TTC7A: variants seen among roughly 807,000 people sequenced by gnomAD.
TTC7A encodes the protein tetratricopeptide repeat protein 7A.
In TTC7A, 110 loss-of-function variants were observed where a neutral mutation model predicts 103.7. The ratio of observed to expected loss-of-function variants is 1.06; its 90% confidence interval spans 0.91 to 1.24. The LOEUF is 1.24. Ranked by LOEUF, TTC7A falls within the 50% of genes most tolerant of loss-of-function variation. The pLI, the probability that TTC7A is intolerant of heterozygous loss-of-function variation, is 0.00. For missense variants in TTC7A, 1,340 were observed against 1,116.3 expected (o/e 1.20, Z -2.86); for synonymous variants, 521 against 467.9 (o/e 1.11, Z -1.47).
In TTC7A at chr2:46,941,395, GCCGCCCGGGCCCCCGC is replaced by G. The variant is rs1670356521; in HGVS notation, c.-146_-131del. On this transcript the variant is annotated 5_prime_UTR_variant, in exon 1 of 20. Coordinates refer to ENST00000319190, the MANE Select transcript of TTC7A (RefSeq NM_020458.4). The surrounding 1 kb of genome is among the most constrained non-coding windows in gnomAD (Gnocchi z 4.2). ...CTGCTGCTGCTGCTGCCCACCCTCC[GCCGCCCGGGCCCCCGC>G]TGCCGCCCGGGCCCCGGCTGCCGTC... 2 of 625,846 alleles carry G rather than the reference GCCGCCCGGGCCCCCGC, an allele frequency of 3.2e-6. No homozygotes were observed. Among genetic ancestry groups the G allele is most frequent in the Non-Finnish European group, 4.3e-6 (2 of 470,572 alleles). The allele number at this position is 625,846 out of a possible 1,614,324, so 38.8% of individuals were successfully genotyped here. A position where few individuals can be genotyped will look rare whatever the true frequency, so the allele number is the denominator to read the frequency against.
intron 4 of TTC7A, among the ~76,000 whole-genome samples, chr2:46,975,821 C>T (rs1233439806): frequency 6.6e-6 from 1 of 152,116 alleles, no homozygotes; most frequent in Non-Finnish European, 1.5e-5. Context: ...ACTGTAACCT[C>T]CACCTCCTGG....
chr2:47,032,524 G>C (rs1680664333), intron 15 of TTC7A, among the ~76,000 whole-genome samples: 1 of 152,172 alleles, frequency 6.6e-6, no homozygotes, highest in African/African-American at 2.4e-5. Flanking sequence ...TCTGAGGTCA[G>C]AGCAGACTTT....
rs528848672 is a variant in TTC7A, at chr2:47,016,349, C to A, written c.1392+4914C>A. ...CAGGAGACTGGGGTTGGAAACAGTT[C>A]TGCTACTTCCTAGACAGGTGACCTT... is the stretch of plus-strand genomic sequence containing the variant. On this transcript the variant is annotated intron_variant, in intron 11 of 19. Transcript: ENST00000319190. Among the ~76,000 whole-genome samples the A allele has an allele frequency of 8.5e-5, 13 of 152,342 alleles. No homozygotes were observed. The South Asian group carries it at 2.7e-3, about 32-fold the overall frequency.
chr2:47,061,623 G>C (rs1303845743), intron 19 of TTC7A, among the ~76,000 whole-genome samples: 2 of 152,170 alleles, frequency 1.3e-5, no homozygotes, highest in Non-Finnish European at 2.9e-5. Context: ...TGATACTCTT[G>C]TCCTGGCCTT....
chr2:46,951,531 T>C, intron 2 of TTC7A: 1 of 451,182 alleles, frequency 2.2e-6, no homozygotes, highest in South Asian at 1.6e-5. Context: ...CTCCCTCCCT[T>C]CCTTCCTTGC....
chr2:47,011,696 T>C (rs1360694524), intron 11 of TTC7A, among the ~76,000 whole-genome samples: 3 of 152,164 alleles, frequency 2.0e-5, no homozygotes, highest in Non-Finnish European at 4.4e-5. Flanking sequence ...CATAAGGAAG[T>C]AGAGGTGTTC....
chr2:47,006,634 T>A lies in TTC7A; in HGVS notation c.1204-7T>A, dbSNP rs377415832. On this transcript the variant is annotated splice_region_variant and splice_polypyrimidine_tract_variant and intron_variant, in intron 9 of 19. Transcript: ENST00000319190. ...GTGGGTAAATGCTGACTATCTCCCCTCCCCAGTGCCTGGAGCGAGCCATGA... is the reference window on the plus strand; with the variant it reads ...GTGGGTAAATGCTGACTATCTCCCCACCCCAGTGCCTGGAGCGAGCCATGA... 6.2e-7 allele frequency: 1 copy of A among 1,613,086 alleles called. No individual in the cohort carries two copies. The highest frequency in any genetic ancestry group is 8.5e-7 in the Non-Finnish European group (1 of 1,179,206).
chr2:46,943,504 TACACTATC>T (rs139024014), intron 1 of TTC7A, among the ~76,000 whole-genome samples: 9,990 of 152,114 alleles, frequency 0.066, 576 homozygotes, highest in African/African-American at 0.15. Flanking sequence ...TAAATCCAGA[TACACTATC>T]ACAAAGCATG....
intron 15 of TTC7A, among the ~76,000 whole-genome samples, chr2:47,031,874 A>G (rs1439100668): frequency 6.6e-6 from 1 of 152,184 alleles, no homozygotes; most frequent in African/African-American, 2.4e-5. Flanking sequence ...TGTGGCAGAA[A>G]ATGGGGTCTG....
At position 46,993,547 on chromosome 2, in the gene TTC7A, A is replaced by G. The variant is rs202113510; in HGVS notation, c.843+19A>G. On this transcript the variant is annotated intron_variant, in intron 6 of 19. Coordinates refer to ENST00000319190, the MANE Select transcript of TTC7A (RefSeq NM_020458.4). Reference sequence around the variant, plus strand: ...CAAAGTGGTAATGTGGGGTGCTGGCAGTGCTGGCTTATTTAGGAGTCAGCT... The same window carrying G: ...CAAAGTGGTAATGTGGGGTGCTGGCGGTGCTGGCTTATTTAGGAGTCAGCT... 17 of 1,613,034 alleles carry G rather than the reference A, an allele frequency of 1.1e-5. No individual in the cohort carries two copies. In the East Asian group the frequency reaches 3.3e-4, roughly 32 times the overall value.
chr2:47,017,602 C>A (rs114736881), intron 11 of TTC7A, among the ~76,000 whole-genome samples: 2,564 of 152,258 alleles, frequency 0.017, 68 homozygotes, highest in African/African-American at 0.059. Context: ...AGGAAATACT[C>A]CAGTGTATTA....
In TTC7A at chr2:46,975,643, G is replaced by A. The variant is rs138919650; in HGVS notation, c.648+540G>A. ...AAGTACAGGTGGTAGCAGCGTTTGC[G>A]ATAAGTATCCCAGCCCTCCCCCTTC... is the stretch of plus-strand genomic sequence containing the variant. On this transcript the variant is annotated intron_variant, in intron 4 of 19. Coordinates refer to ENST00000319190, the MANE Select transcript of TTC7A (RefSeq NM_020458.4). Among the ~76,000 whole-genome samples the A allele has an allele frequency of 1.3e-3, 191 of 152,166 alleles. 3 individuals carry two copies. In the East Asian group the frequency reaches 0.029, roughly 23 times the overall value.
intron 4 of TTC7A, 42 bp from the exon 5 acceptor site, chr2:46,978,750 A>T (rs1674126144): frequency 6.4e-7 from 1 of 1,562,796 alleles, no homozygotes; most frequent in East Asian, 2.2e-5. Context: ...CCTCTGCCTC[A>T]GAACTTTGAG....
intron 18 of TTC7A, among the ~76,000 whole-genome samples, chr2:47,052,501 C>T (rs959977268): frequency 1.7e-4 from 26 of 152,200 alleles, no homozygotes; most frequent in African/African-American, 4.1e-4. Flanking sequence ...GTTTGGCTTC[C>T]GTCTCGTCCA....
chr2:46,963,133 G>A (rs562006840), intron 3 of TTC7A, among the ~76,000 whole-genome samples: 106 of 152,310 alleles, frequency 7.0e-4, no homozygotes, highest in African/African-American at 1.3e-3. Flanking sequence ...GGTTTGCATG[G>A]GGAGGGATTC....
At chr2:47,035,975 C>T (rs1681058963) in intron 15 of TTC7A, among the ~76,000 whole-genome samples, 1 of 152,196 alleles carries the variant, frequency 6.6e-6, no homozygotes, top group African/African-American at 2.4e-5. Context: ...TGCCTTTGTT[C>T]CTAAGGTAAG....
chr2:47,034,455 G>C (rs1680897209), intron 15 of TTC7A: 1 of 152,238 alleles, frequency 6.6e-6, no homozygotes, highest in South Asian at 2.1e-4. Flanking sequence ...GAAGGGGAAT[G>C]GGCCACTGAT....
Position 47,007,393 on chromosome 2 carries a change from G to A in TTC7A, c.1287+669G>A, listed in dbSNP as rs1455640794. Among the ~76,000 whole-genome samples, 1 of 152,210 alleles carries A rather than the reference G, an allele frequency of 6.6e-6. No homozygotes were observed. The highest frequency in any genetic ancestry group is 1.5e-5 in the Non-Finnish European group (1 of 68,034). On this transcript the variant is annotated intron_variant, in intron 10 of 19. Coordinates refer to ENST00000319190, the MANE Select transcript of TTC7A (RefSeq NM_020458.4). This position sits in a 1 kb window ranked among gnomAD's most constrained non-coding sequence, Gnocchi z 4.9. The stretch of plus-strand genomic sequence containing the variant: ...CTCTATTTTAAGCAGTGACATGAAA[G>A]GAAAACCTTTCTGGAGCTGAGTTCT...
At position 47,044,288 on chromosome 2, in the gene TTC7A, G is replaced by A. The variant is rs1682072997; in HGVS notation, c.1803-2027G>A. On this transcript the variant is annotated intron_variant, in intron 15 of 19. Transcript: ENST00000319190. ...AAAAATTCAGCCCTTGATTCTCTGG[G>A]CAGTGTGTCATTTATAGCGCTCTAA... is the stretch of plus-strand genomic sequence containing the variant. Among the ~76,000 whole-genome samples, 3 of 152,190 alleles carry A rather than the reference G, an allele frequency of 2.0e-5. 1 individual carries two copies. In the South Asian group the frequency reaches 6.2e-4, roughly 32 times the overall value.
Sources: gnomAD v4.1 joint callset for allele counts (sites outside exome capture counted in the v4.1 genomes callset) on GRCh38, gnomAD v4.1.1 for gene constraint, Gnocchi (gnomAD v3.1) non-coding constraint, MANE v1.5 for transcripts, NCBI Gene and HGNC (gene_info 2026-07-23, HGNC 2026-07-21) for gene names.